Variants in RASGRF1 observed in about 807,000 individuals in gnomAD.
The protein encoded by RASGRF1 is Ras protein specific guanine nucleotide releasing factor 1, also known as ras-specific guanine nucleotide-releasing factor 1.
RASGRF1 carries 40 observed loss-of-function variants against 138.7 expected under a neutral mutation model. That is an observed-to-expected ratio of 0.29 (90% CI 0.22 to 0.38). The LOEUF (loss-of-function observed/expected upper bound fraction) is 0.38. Ranked by LOEUF, RASGRF1 falls within the 10% of genes least tolerant of loss-of-function variation. The pLI is 1.00. For synonymous variants in RASGRF1, 614 were observed against 663.2 expected (o/e 0.93, Z 1.14); for missense variants, 1,108 against 1,650.4 (o/e 0.67, Z 5.69).
At chr15:79,088,723 A>T (rs996226459) in intron 1 of RASGRF1, among the ~76,000 whole-genome samples, 3 of 152,180 alleles carry the variant, frequency 2.0e-5, no homozygotes, top group African/African-American at 7.2e-5. Flanking sequence ...CACTGGCTGG[A>T]GAGGGGCAAG....
At position 79,046,140 on chromosome 15, in the gene RASGRF1, C is replaced by A. The variant is rs1393838863; in HGVS notation, c.878+606G>T. Among the ~76,000 whole-genome samples, 1 of 152,174 alleles carries A rather than the reference C, an allele frequency of 6.6e-6. No homozygotes were observed. The highest frequency in any genetic ancestry group is 2.4e-5 in the African/African-American group (1 of 41,454). On this transcript the variant is annotated intron_variant, in intron 5 of 26. Transcript: ENST00000558480. The surrounding 1 kb of genome is among the most constrained non-coding windows in gnomAD (Gnocchi z 5.3). ...CAGGGTCACCATCTGGGAGAAGTGA[C>A]TTCTTTGTAAGACATGTGGGTAGCG...
rs138825442 is a variant in RASGRF1 at position 79,000,133 on chromosome 15, G to T, written c.2576-220C>A. Among the ~76,000 whole-genome samples, 624 of 152,284 alleles carry T rather than the reference G, an allele frequency of 4.1e-3. 5 individuals carry two copies. Among genetic ancestry groups the T allele is most frequent in the African/African-American group, 0.014 (592 of 41,542 alleles). On this transcript the variant is annotated intron_variant, in intron 16 of 26. Transcript: ENST00000558480. ...CACAACACCCTCAGGGCTGTCCCAG[G>T]TTGGGGAGCACACTCCTGCTTCTGA...
At chr15:79,026,997 G>A (rs1883555827) in intron 9 of RASGRF1, among the ~76,000 whole-genome samples, 1 of 152,130 alleles carries the variant, frequency 6.6e-6, no homozygotes, top group South Asian at 2.1e-4. Flanking sequence ...GGGAGGCGCT[G>A]GCAAGTATTT....
chr15:79,064,564 T>C (rs2057651287), intron 1 of RASGRF1, 38 bp from the exon 2 acceptor site: 3 of 1,587,038 alleles, frequency 1.9e-6, no homozygotes, highest in African/African-American at 1.3e-5. Flanking sequence ...TACCAGAGTG[T>C]CCATGGGACC....
chr15:79,039,433 TTATAA>T (rs1166822374), intron 5 of RASGRF1, among the ~76,000 whole-genome samples: 12 of 152,164 alleles, frequency 7.9e-5, no homozygotes, highest in African/African-American at 2.9e-4. Flanking sequence ...TTATAAGCCT[TTATAA>T]TATATTTTAA....
chr15:79,089,534 C>T (rs574125998), intron 1 of RASGRF1, among the ~76,000 whole-genome samples: 3 of 152,246 alleles, frequency 2.0e-5, no homozygotes, highest in African/African-American at 4.8e-5. Context: ...GCGCCCACTT[C>T]GTCCCGCTGC....
In RASGRF1 at chr15:79,024,215, CAT is replaced by C. The variant is rs139147290; in HGVS notation, c.1542+1097_1542+1098del. 1.9e-3 allele frequency among the ~76,000 whole-genome samples: 289 copies of C among 151,824 alleles called. 4 individuals carry two copies. In the East Asian group the frequency reaches 0.029, roughly 15 times the overall value. On this transcript the variant is annotated intron_variant, in intron 10 of 26. Transcript: ENST00000558480. Reference sequence around the variant, plus strand: ...ACATATAAACATACACGGATATACACATAGACACACAGACACATACCACACAC... The same window carrying C: ...ACATATAAACATACACGGATATACACAGACACACAGACACATACCACACAC...
chr15:79,014,297 C>A (rs1449279028), intron 13 of RASGRF1, among the ~76,000 whole-genome samples: 3 of 152,194 alleles, frequency 2.0e-5, no homozygotes, highest in Non-Finnish European at 2.9e-5. Flanking sequence ...CTTGCTCATG[C>A]ATGTTTATAG....
At chr15:79,033,530 C>T (rs148729642) in intron 6 of RASGRF1, among the ~76,000 whole-genome samples, 186 of 149,866 alleles carry the variant, frequency 1.2e-3, no homozygotes, top group African/African-American at 4.3e-3. Flanking sequence ...GGATTAAAGG[C>T]GTGAGCCACT....
At chr15:79,079,287 T>C (rs1299972448) in intron 1 of RASGRF1, among the ~76,000 whole-genome samples, 2 of 152,234 alleles carry the variant, frequency 1.3e-5, no homozygotes, top group Non-Finnish European at 2.9e-5. Flanking sequence ...TTTCTCATAC[T>C]TGCTGAATGA....
chr15:79,010,718 T>C (rs1378563189), intron 13 of RASGRF1, among the ~76,000 whole-genome samples: 1 of 152,196 alleles, frequency 6.6e-6, no homozygotes, highest in Non-Finnish European at 1.5e-5. Flanking sequence ...CTCTTTCTTT[T>C]TTCCCAGGGA....
chr15:78,985,039 G>T lies in RASGRF1; in HGVS notation c.3382C>A (p.Leu1128Ile). Residue 1128 changes from leucine (L) to isoleucine (I), a missense_variant, in exon 23 of 27, where the codon CTC (leucine) becomes ATC (isoleucine). Physicochemically the swap from Leu to Ile is conservative, Grantham distance 5 (BLOSUM62 2). Around this residue, in one of 3 missense-constraint regions of RASGRF1, gnomAD observed 686 missense variants for 976.7 expected, o/e 0.70. Coordinates refer to ENST00000558480, the MANE Select transcript of RASGRF1 (RefSeq NM_001145648.3). ...GAGACTTTGAGCCACGTCTTTTTGA[G>T]CCGGAAGATTGCACTGCGGTTCATG... is the stretch of plus-strand genomic sequence containing the variant. ...SSMNRSAIFR[L>I]KKTWLKVSKQ... The T allele has an allele frequency of 6.2e-7, 1 of 1,614,112 alleles. No homozygotes were observed. Among genetic ancestry groups the T allele is most frequent in the Non-Finnish European group, 8.5e-7 (1 of 1,180,000 alleles).
intron 1 of RASGRF1, among the ~76,000 whole-genome samples, chr15:79,072,235 T>C (rs1301604162): frequency 1.8e-5 from 2 of 112,960 alleles, no homozygotes; most frequent in African/African-American, 6.1e-5. Flanking sequence ...CTGGAGCAGT[T>C]AGGGGGTTTC....
intron 20 of RASGRF1, 91 bp downstream of exon 20, chr15:78,995,649 G>A: frequency 6.9e-7 from 1 of 1,447,548 alleles, no homozygotes; most frequent in Non-Finnish European, 9.7e-7. Context: ...CACAGAAAAT[G>A]AATACGGGTG....
At chr15:79,022,569 C>T (rs1441646696) in intron 10 of RASGRF1, among the ~76,000 whole-genome samples, 3 of 151,470 alleles carry the variant, frequency 2.0e-5, no homozygotes, top group South Asian at 2.1e-4. Flanking sequence ...TCAGAGCCTT[C>T]GTGTCTTCAG....
intron 1 of RASGRF1, among the ~76,000 whole-genome samples, chr15:79,066,142 T>C (rs2057677710): frequency 6.6e-6 from 1 of 152,072 alleles, no homozygotes; most frequent in African/African-American, 2.4e-5. Flanking sequence ...CCTAGCACTT[T>C]CCCCATCTCT....
At chr15:79,001,037 T>C (rs189516211) in intron 16 of RASGRF1, among the ~76,000 whole-genome samples, 13 of 152,310 alleles carry the variant, frequency 8.5e-5, no homozygotes, top group East Asian at 5.8e-4. Flanking sequence ...AGCCCCCTTG[T>C]ATAGGGGAAA....
intron 24 of RASGRF1, among the ~76,000 whole-genome samples, chr15:78,976,324 A>G (rs1312849612): frequency 6.6e-6 from 1 of 152,138 alleles, no homozygotes; most frequent in African/African-American, 2.4e-5. Context: ...CCCTGGCCGC[A>G]TTGGAAGAAG....
chr15:78,991,254 A>G (rs1232002386), intron 21 of RASGRF1, among the ~76,000 whole-genome samples: 3 of 152,252 alleles, frequency 2.0e-5, no homozygotes, highest in Non-Finnish European at 4.4e-5. Flanking sequence ...AGTGAACACC[A>G]GGGATGACTG....
Sources: gnomAD v4.1 joint callset for allele counts (sites outside exome capture counted in the v4.1 genomes callset) on GRCh38, gnomAD v4.1.1 for gene constraint, gnomAD v4.1.1 regional missense constraint, Gnocchi (gnomAD v3.1) non-coding constraint, MANE v1.5 for transcripts, NCBI Gene and HGNC (gene_info 2026-07-23, HGNC 2026-07-21) for gene names.